CADPS: variants seen among roughly 807,000 people sequenced by gnomAD.
The protein encoded by CADPS is calcium dependent secretion activator, also known as calcium-dependent secretion activator 1.
CADPS carries 57 observed loss-of-function variants against 167.3 expected under a neutral mutation model. The observed-to-expected ratio is 0.34, with a 90% confidence interval of 0.28 to 0.42. The LOEUF is 0.42. Ranked by LOEUF, CADPS falls within the 20% of genes least tolerant of loss-of-function variation. The pLI is 1.00. For synonymous variants in CADPS, 676 were observed against 635.3 expected (o/e 1.06, Z -0.96); for missense variants, 1,414 against 1,738.1 (o/e 0.81, Z 3.32).
chr3:62,874,775 G>A lies in CADPS; in HGVS notation c.255C>T (p.Gly85=), dbSNP rs780800389. ...AGGLQPSSRA[G]GGRPSSPSPS... is the part of the protein sequence containing the mutation. ...GGCTGGGGCTGGAGGGCCGGCCGCC[G>A]CCAGCGCGGCTGCTGGGTTGCAGCC... Residue 85 remains glycine (G), a synonymous_variant, in exon 1 of 30, where the codon GGC becomes GGT. Coordinates refer to ENST00000383710, the MANE Select transcript of CADPS (RefSeq NM_003716.4). This position sits in a 1 kb window ranked among gnomAD's most constrained non-coding sequence, Gnocchi z 7.1. 615 of 1,421,650 alleles carry A rather than the reference G, an allele frequency of 4.3e-4. No individual in the cohort carries two copies. The highest frequency in any genetic ancestry group is 5.5e-4 in the Non-Finnish European group (580 of 1,048,110). The allele number at this position is 1,421,650 out of a possible 1,614,324, so 88.1% of individuals were successfully genotyped here.
At chr3:62,660,069 G>T (rs2072795921) in intron 4 of CADPS, among the ~76,000 whole-genome samples, 2 of 152,136 alleles carry the variant, frequency 1.3e-5, no homozygotes, top group Non-Finnish European at 2.9e-5. Flanking sequence ...GGGGTTGGGG[G>T]AGAGAGTTCT....
At chr3:62,539,182 A>G (rs1163641476) in intron 11 of CADPS, among the ~76,000 whole-genome samples, 1 of 152,078 alleles carries the variant, frequency 6.6e-6, no homozygotes, top group African/African-American at 2.4e-5. Context: ...GTTTTTAAAA[A>G]ACTGTAGGAT....
chr3:62,635,611 T>C (rs1408888014), intron 6 of CADPS, among the ~76,000 whole-genome samples: 1 of 151,554 alleles, frequency 6.6e-6, no homozygotes, highest in Non-Finnish European at 1.5e-5. Context: ...CAAGCACTCA[T>C]ACAATGGGTT....
At chr3:62,559,590 G>T (rs1054357875) in intron 9 of CADPS, among the ~76,000 whole-genome samples, 12 of 152,130 alleles carry the variant, frequency 7.9e-5, no homozygotes, top group Admixed American at 5.9e-4. Context: ...CGCTTCCTGG[G>T]TTCAAGTGAT....
At chr3:62,629,912 C>G (rs764876243) in intron 6 of CADPS, among the ~76,000 whole-genome samples, 110 of 152,136 alleles carry the variant, frequency 7.2e-4, no homozygotes, top group Admixed American at 3.9e-4. Context: ...AGTGTCAACT[C>G]AAATAGCTCC....
intron 24 of CADPS, 179 bp from the exon 25 acceptor site, chr3:62,466,592 A>C: frequency 1.5e-6 from 1 of 654,354 alleles, no homozygotes; most frequent in Non-Finnish European, 2.8e-6. Context: ...GAGAGATCTG[A>C]AGCTCTTAAA....
At chr3:62,625,835 T>C (rs968410106) in intron 6 of CADPS, 1 of 150,982 alleles carries the variant, frequency 6.6e-6, no homozygotes, top group Non-Finnish European at 1.5e-5. Flanking sequence ...ACAGAAGCAA[T>C]CTGCAGTTTT....
chr3:62,500,682 A>G (rs1351560468), intron 17 of CADPS: 3 of 152,286 alleles, frequency 2.0e-5, no homozygotes, highest in East Asian at 3.9e-4. Flanking sequence ...TGAAACAGGT[A>G]TATTTTGGCT....
chr3:62,776,643 G>A (rs541418205), intron 1 of CADPS, among the ~76,000 whole-genome samples: 38 of 152,194 alleles, frequency 2.5e-4, no homozygotes, highest in African/African-American at 8.9e-4. Context: ...AACAGAGAGA[G>A]ACTCCATCTC....
At position 62,753,369 on chromosome 3, in the gene CADPS, G is replaced by A. The variant is rs1489541187; in HGVS notation, c.888+72C>T. On this transcript the variant is annotated intron_variant, in intron 3 of 29. Coordinates refer to ENST00000383710, the MANE Select transcript of CADPS (RefSeq NM_003716.4). The surrounding 1 kb of genome is among the most constrained non-coding windows in gnomAD (Gnocchi z 4.6). Reference sequence around the variant, plus strand: ...TTAATCCTTTTTTTAAAAAAATCAAGAAGTATCTCATAGAAGTTGGAATGC... The same window carrying A: ...TTAATCCTTTTTTTAAAAAAATCAAAAAGTATCTCATAGAAGTTGGAATGC... 84 of 1,124,708 alleles carry A rather than the reference G, an allele frequency of 7.5e-5. No individual in the cohort carries two copies. In the East Asian group the frequency reaches 1.9e-3, roughly 25 times the overall value. 69.7% of individuals were successfully genotyped at this position (1,124,708 alleles called of 1,614,324 possible).
At chr3:62,754,153 A>G (rs1281160712) in intron 2 of CADPS, among the ~76,000 whole-genome samples, 1 of 152,074 alleles carries the variant, frequency 6.6e-6, no homozygotes, top group Non-Finnish European at 1.5e-5. Flanking sequence ...TCCATTTATA[A>G]AATGGGGATA....
intron 1 of CADPS, among the ~76,000 whole-genome samples, chr3:62,808,604 G>A (rs1027348841): frequency 1.3e-5 from 2 of 152,074 alleles, no homozygotes; most frequent in Non-Finnish European, 2.9e-5. Flanking sequence ...TTCCTTCCCA[G>A]AATCCATGGT....
At chr3:62,701,622 AG>A (rs1429485795) in intron 3 of CADPS, among the ~76,000 whole-genome samples, 213 of 120,196 alleles carry the variant, frequency 1.8e-3, no homozygotes, top group African/African-American at 5.8e-3. Context: ...AAAAAAAAAA[AG>A]AAAGAAAGAA....
chr3:62,415,171 T>A (rs2049804192), intron 28 of CADPS, among the ~76,000 whole-genome samples: 1 of 145,872 alleles, frequency 6.9e-6, no homozygotes, highest in Admixed American at 6.9e-5. Context: ...GAAATAGCAA[T>A]CTTGTCTCTG....
At chr3:62,736,276 C>T (rs1177072900) in intron 3 of CADPS, among the ~76,000 whole-genome samples, 2 of 152,130 alleles carry the variant, frequency 1.3e-5, no homozygotes, top group African/African-American at 2.4e-5. Flanking sequence ...TCTAAATTAG[C>T]ATGAAGAGAA....
chr3:62,537,548 T>C (rs1306390065), intron 11 of CADPS, among the ~76,000 whole-genome samples: 1 of 152,152 alleles, frequency 6.6e-6, no homozygotes, highest in African/African-American at 2.4e-5. Context: ...ACGCAGACTT[T>C]GGAGAAAAAG....
intron 8 of CADPS, among the ~76,000 whole-genome samples, chr3:62,580,443 G>T (rs833646): frequency 0.54 from 81,787 of 151,800 alleles, 24,807 homozygotes; most frequent in East Asian, 0.73. Context: ...TTGTGGGGTC[G>T]GGGGAGTGGG....
At position 62,602,920 on chromosome 3, in the gene CADPS, C is replaced by T. The variant is rs939612495; in HGVS notation, c.1326-10172G>A. ...CTTTGCCACATGTCCGTCTTGTCAC[C>T]GGATCTTTCAAATCCCCTACGTATA... On this transcript the variant is annotated intron_variant, in intron 6 of 29. Coordinates refer to ENST00000383710, the MANE Select transcript of CADPS (RefSeq NM_003716.4). The surrounding 1 kb of genome is among the most constrained non-coding windows in gnomAD (Gnocchi z 4.4). Among the ~76,000 whole-genome samples the T allele has an allele frequency of 1.3e-5, 2 of 152,122 alleles. No homozygotes were observed. Among genetic ancestry groups the T allele is most frequent in the African/African-American group, 2.4e-5 (1 of 41,428 alleles).
intron 10 of CADPS, among the ~76,000 whole-genome samples, chr3:62,557,045 A>T (rs1374790287): frequency 1.8e-5 from 2 of 108,738 alleles, no homozygotes; most frequent in Non-Finnish European, 4.0e-5. Flanking sequence ...ACACACACAC[A>T]CACACTCCTT....
Sources: allele counts gnomAD v4.1 joint callset (sites outside exome capture counted in the v4.1 genomes callset), GRCh38; gene constraint gnomAD v4.1.1; non-coding constraint Gnocchi (gnomAD v3.1); transcripts MANE v1.5; gene names NCBI Gene and HGNC (gene_info 2026-07-23, HGNC 2026-07-21).